HTR4: variants seen among roughly 807,000 people sequenced by gnomAD.
HTR4 encodes 5-hydroxytryptamine receptor 4, also known as 5-hydroxytryptamine (serotonin) receptor 4, G protein-coupled.
In HTR4, 16 loss-of-function variants were observed where a neutral mutation model predicts 36.8. The observed-to-expected ratio is 0.43, with a 90% CI of 0.29 to 0.66. The LOEUF (loss-of-function observed/expected upper bound fraction) is 0.66. Ranked by LOEUF, HTR4 falls within the 30% of genes least tolerant of loss-of-function variation. HTR4 has a pLI of 0.13. For missense variants in HTR4, 438 were observed against 490.9 expected (o/e 0.89, Z 1.02); for synonymous variants, 189 against 185.1 (o/e 1.02, Z -0.17).
In HTR4 at chr5:148,562,612, CACTA is replaced by C. The variant is rs145580614; in HGVS notation, c.27-12354_27-12351del. Among the ~76,000 whole-genome samples the C allele has an allele frequency of 5.6e-3, 856 of 152,260 alleles. 9 individuals are homozygous for C. Among genetic ancestry groups the C allele is most frequent in the African/African-American group, 0.02 (824 of 41,534 alleles). ...TAGACTATCACAACCACTTTTATCC[CACTA>C]ACTACTTTGTCTTTGTCTTCAAATT... On this transcript the variant is annotated intron_variant, in intron 2 of 6. Transcript: ENST00000377888.
chr5:148,638,114 G>C (rs572827371), intron 1 of HTR4, among the ~76,000 whole-genome samples: 45 of 152,310 alleles, frequency 3.0e-4, no homozygotes, highest in African/African-American at 1.1e-3. Flanking sequence ...GAGCTAAACA[G>C]ATGTGGCTGG....
At chr5:148,588,527 C>CCTT (rs1275300921) in intron 2 of HTR4, among the ~76,000 whole-genome samples, 2 of 110,138 alleles carry the variant, frequency 1.8e-5, no homozygotes, top group South Asian at 3.2e-4. Flanking sequence ...GGTTTTAATT[C>CCTT]TTTTTTTTTT....
At chr5:148,468,524 G>A (rs1239484608) in intron 5 of HTR4, among the ~76,000 whole-genome samples, 1 of 152,150 alleles carries the variant, frequency 6.6e-6, no homozygotes, top group African/African-American at 2.4e-5. Flanking sequence ...AGGAAGGGAG[G>A]TCTTCTTGTC....
rs555801062 is a variant in HTR4 at position 148,528,935 on chromosome 5, C to T, written c.354-5589G>A. Among the ~76,000 whole-genome samples, 48 of 145,788 alleles carry T rather than the reference C, an allele frequency of 3.3e-4. 2 individuals carry two copies. Among genetic ancestry groups the T allele is most frequent in the Non-Finnish European group, 9.0e-5 (6 of 66,352 alleles). On this transcript the variant is annotated intron_variant, in intron 4 of 6. Coordinates refer to ENST00000377888, the MANE Select transcript of HTR4 (RefSeq NM_000870.7). ...AATCCGCACAACTATTAGATTGGTG[C>T]AAAATAATCGTGGTTTTTGCCATCA...
At chr5:148,455,266 C>T (rs1030205317) in intron 5 of HTR4, among the ~76,000 whole-genome samples, 1 of 152,114 alleles carries the variant, frequency 6.6e-6, no homozygotes, top group Non-Finnish European at 1.5e-5. Context: ...CACTCCTGAA[C>T]CTTTGCCCTG....
intron 2 of HTR4, among the ~76,000 whole-genome samples, chr5:148,633,392 T>TA (rs397753243): frequency 3.6e-4 from 55 of 152,030 alleles, no homozygotes; most frequent in African/African-American, 1.2e-3. Context: ...CTTTTTTTTT[T>TA]ATTATACTTT....
Position 148,614,655 on chromosome 5 carries a change from G to T in HTR4, c.26+22334C>A, listed in dbSNP as rs577596557. On this transcript the variant is annotated intron_variant, in intron 2 of 6. Transcript: ENST00000377888. ...TCATGTCTAAGACACCAAAAGCAAT[G>T]GCAACAAAAGACAAAATTGACAAAT... Among the ~76,000 whole-genome samples, 1,355 of 152,176 alleles carry T rather than the reference G, an allele frequency of 8.9e-3. 24 individuals are homozygous for T. The highest frequency in any genetic ancestry group is 0.031 in the African/African-American group (1,296 of 41,514).
intron 6 of HTR4, among the ~76,000 whole-genome samples, chr5:148,498,576 A>C (rs1340857805): frequency 6.6e-6 from 1 of 152,200 alleles, no homozygotes; most frequent in African/African-American, 2.4e-5. Flanking sequence ...CTCAAGGAAT[A>C]CTTGATATAA....
rs1338106345 is a variant in HTR4, at chr5:148,579,460, G to T, written c.27-29198C>A. Among the ~76,000 whole-genome samples, 5 of 152,022 alleles carry T rather than the reference G, an allele frequency of 3.3e-5. 1 individual carries two copies. The highest frequency in any genetic ancestry group is 9.7e-5 in the African/African-American group (4 of 41,422). On this transcript the variant is annotated intron_variant, in intron 2 of 6. Transcript: ENST00000377888. ...AGTTCAAATCCTAGCTCTGCCATGG[G>T]TTAGGCATGTGGCCCAAGTAAACAT...
intron 5 of HTR4, among the ~76,000 whole-genome samples, chr5:148,513,736 T>C (rs1373119557): frequency 6.6e-6 from 1 of 152,212 alleles, no homozygotes; most frequent in African/African-American, 2.4e-5. Flanking sequence ...TGTTAAGTCT[T>C]TGAATTAATT....
At chr5:148,604,798 T>C (rs1581533808) in intron 2 of HTR4, among the ~76,000 whole-genome samples, 1 of 152,196 alleles carries the variant, frequency 6.6e-6, no homozygotes, top group African/African-American at 2.4e-5. Context: ...AGAACTGATA[T>C]ATGGTAATTA....
chr5:148,555,914 C>T (rs1052734013), intron 2 of HTR4, among the ~76,000 whole-genome samples: 5 of 151,568 alleles, frequency 3.3e-5, no homozygotes, highest in African/African-American at 1.2e-4. Context: ...ATGATAGAGA[C>T]AATAGCAAAG....
chr5:148,626,652 C>T (rs890972603), intron 2 of HTR4, among the ~76,000 whole-genome samples: 3 of 152,132 alleles, frequency 2.0e-5, no homozygotes, highest in African/African-American at 7.2e-5. Flanking sequence ...ATGCAAAATG[C>T]TTGTAGTCCT....
At chr5:148,489,793 A>T (rs1466122075) in intron 6 of HTR4, among the ~76,000 whole-genome samples, 2 of 152,160 alleles carry the variant, frequency 1.3e-5, no homozygotes, top group Non-Finnish European at 2.9e-5. Context: ...GGATCAGGCC[A>T]AGAAGGGTTT....
At chr5:148,590,131 T>C (rs1181951800) in intron 2 of HTR4, among the ~76,000 whole-genome samples, 1 of 152,096 alleles carries the variant, frequency 6.6e-6, no homozygotes, top group Non-Finnish European at 1.5e-5. Context: ...TTTTTGTGTT[T>C]TGTTGAAGAT....
chr5:148,476,738 CTCAAAATCTGGTAGGAGAGA>C (rs1428672191), downstream of HTR4: 1 of 1,613,226 alleles, frequency 6.2e-7, no homozygotes, highest in Non-Finnish European at 8.5e-7. Context: ...CCTCAAGGAG[CTCAAAATCTGGTAGGAGAGA>C]TCAAAAAGAA....
At chr5:148,577,671 A>G (rs6889525) in intron 2 of HTR4, among the ~76,000 whole-genome samples, 1 of 151,894 alleles carries the variant, frequency 6.6e-6, no homozygotes, top group Non-Finnish European at 1.5e-5. Flanking sequence ...TTTGCAGGAA[A>G]ATGGATGGAG....
At chr5:148,617,095 G>A (rs147569986) in intron 2 of HTR4, among the ~76,000 whole-genome samples, 181 of 152,302 alleles carry the variant, frequency 1.2e-3, no homozygotes, top group African/African-American at 4.1e-3. Context: ...ATTGTCGGAG[G>A]TAGGACCTGG....
At chr5:148,615,707 A>ATAAATAAAATAAAATAAAAT (rs773040493) in intron 2 of HTR4, among the ~76,000 whole-genome samples, 1 of 117,194 alleles carries the variant, frequency 8.5e-6, no homozygotes, top group African/African-American at 2.8e-5. Context: ...AAAGAAAGAA[A>ATAAATAAAATAAAATAAAAT]GAAATAAAAT....
Sources: allele counts gnomAD v4.1 joint callset (sites outside exome capture counted in the v4.1 genomes callset), GRCh38; gene constraint gnomAD v4.1.1; transcripts MANE v1.5; gene names NCBI Gene and HGNC (gene_info 2026-07-23, HGNC 2026-07-21).